CRIM1: variants seen among roughly 807,000 people sequenced by gnomAD.
The protein encoded by CRIM1 is cysteine-rich motor neuron 1 protein.
Under a neutral mutation model 116.4 loss-of-function variants are expected in CRIM1, and 32 were observed. That is an observed-to-expected ratio of 0.27 (90% confidence interval 0.21 to 0.37). The LOEUF is 0.37. CRIM1 is among the 10% of genes least tolerant of loss of function. The pLI, the probability that CRIM1 is intolerant of heterozygous loss-of-function variation, is 1.00. For synonymous variants in CRIM1, 590 were observed against 509.2 expected, an observed-to-expected ratio of 1.16 and a Z score of -2.13; for missense variants, 1,331 against 1,354.8, an observed-to-expected ratio of 0.98 and a Z score of 0.28.
Position 36,550,492 on chromosome 2 carries a change from G to A in CRIM1, c.*1791G>A, listed in dbSNP as rs930770202. 6.6e-6 allele frequency: 1 copy of A among 152,366 alleles called. No homozygotes were observed. The highest frequency in any genetic ancestry group is 1.5e-5 in the Non-Finnish European group (1 of 67,986). The allele number at this position is 152,366 out of a possible 1,614,324, so 9.4% of individuals were successfully genotyped here. A position where few individuals can be genotyped will look rare whatever the true frequency, so the allele number is the denominator to read the frequency against. ...AGAAAATGTGTTCTGTTTTGTAAAG[G>A]AACTTTCAAGTATTGTTGTAAATAC... is the stretch of plus-strand genomic sequence containing the variant. On this transcript the variant is annotated 3_prime_UTR_variant, in exon 17 of 17. Transcript: ENST00000280527.
intron 1 of CRIM1, among the ~76,000 whole-genome samples, 194 bp from the exon 2 acceptor site, chr2:36,396,420 A>G (rs919842809): frequency 6.6e-6 from 1 of 152,134 alleles, no homozygotes. Context: ...ATGGATGGCT[A>G]TTATTTCACT....
chr2:36,528,647 C>A (rs1278532207), intron 13 of CRIM1, among the ~76,000 whole-genome samples: 3 of 152,112 alleles, frequency 2.0e-5, no homozygotes, highest in Admixed American at 6.5e-5. Flanking sequence ...CTGTCAGTTA[C>A]TGTGGACCTA....
intron 1 of CRIM1, among the ~76,000 whole-genome samples, chr2:36,374,906 C>CT (rs1558511111): frequency 1.3e-5 from 2 of 151,038 alleles, no homozygotes; most frequent in Admixed American, 6.6e-5. Context: ...TGTATTGACT[C>CT]TAAGAGTATG....
chr2:36,494,504 T>C (rs1680448271), intron 7 of CRIM1, among the ~76,000 whole-genome samples: 1 of 152,148 alleles, frequency 6.6e-6, no homozygotes, highest in Admixed American at 6.5e-5. Flanking sequence ...TTCTAAGACT[T>C]GGGATAAGAA....
intron 2 of CRIM1, among the ~76,000 whole-genome samples, chr2:36,428,002 G>T (rs1674594127): frequency 6.6e-6 from 1 of 152,198 alleles, no homozygotes; most frequent in Non-Finnish European, 1.5e-5. Flanking sequence ...GGTTATTTTT[G>T]TGTTGGTTTG....
chr2:36,429,593 A>G (rs912852770), intron 2 of CRIM1, among the ~76,000 whole-genome samples: 1 of 152,190 alleles, frequency 6.6e-6, no homozygotes, highest in Non-Finnish European at 1.5e-5. Flanking sequence ...CAGCACACAG[A>G]AAGAGAGAAA....
chr2:36,447,848 C>T (rs1676368869), intron 4 of CRIM1, among the ~76,000 whole-genome samples: 2 of 152,166 alleles, frequency 1.3e-5, no homozygotes, highest in Non-Finnish European at 2.9e-5. Flanking sequence ...GTTTCAGAAA[C>T]GTGATTCTTT....
At chr2:36,362,905 C>G (rs1369170958) in intron 1 of CRIM1, among the ~76,000 whole-genome samples, 1 of 152,028 alleles carries the variant, frequency 6.6e-6, no homozygotes, top group African/African-American at 2.4e-5. Flanking sequence ...GTGTAATGTT[C>G]AAGAACTTGG....
At position 36,494,378 on chromosome 2, in the gene CRIM1, C is replaced by T. The variant is rs1032159688; in HGVS notation, c.1373-4841C>T. Among the ~76,000 whole-genome samples, 6 of 152,024 alleles carry T rather than the reference C, an allele frequency of 3.9e-5. 1 individual carries two copies. In the South Asian group the frequency reaches 1.2e-3, roughly 32 times the overall value. On this transcript the variant is annotated intron_variant, in intron 7 of 16. Transcript: ENST00000280527. The stretch of plus-strand genomic sequence containing the variant: ...TTTTACTGACAAGACATCTGTTAGG[C>T]TTTTTAGGTTATGAAAGAAGTAACC...
chr2:36,475,502 T>C (rs1678900947), intron 5 of CRIM1, among the ~76,000 whole-genome samples: 1 of 152,246 alleles, frequency 6.6e-6, no homozygotes, highest in South Asian at 2.1e-4. Flanking sequence ...ACTGTTTACA[T>C]ACAAGATCAT....
intron 2 of CRIM1, among the ~76,000 whole-genome samples, chr2:36,426,450 G>A (rs989399416): frequency 5.3e-5 from 8 of 152,150 alleles, no homozygotes; most frequent in African/African-American, 1.9e-4. Context: ...CAAACATTGT[G>A]TATGTTTTTT....
intron 7 of CRIM1, among the ~76,000 whole-genome samples, chr2:36,492,735 G>A (rs1288347534): frequency 6.6e-6 from 1 of 152,156 alleles, no homozygotes; most frequent in Non-Finnish European, 1.5e-5. Flanking sequence ...CCCTGGCTAG[G>A]AGACCTGATA....
intron 4 of CRIM1, among the ~76,000 whole-genome samples, chr2:36,460,948 G>A (rs1168045981): frequency 1.3e-5 from 2 of 152,178 alleles, no homozygotes; most frequent in Admixed American, 6.5e-5. Context: ...ATTAGGGCAG[G>A]CAGTGCAGAG....
intron 2 of CRIM1, among the ~76,000 whole-genome samples, chr2:36,414,045 T>C (rs1365597712): frequency 6.6e-6 from 1 of 152,248 alleles, no homozygotes; most frequent in Non-Finnish European, 1.5e-5. Context: ...GTGTATGAGC[T>C]TCTCCTGAGA....
In CRIM1 at chr2:36,540,931, A is replaced by C. The variant is rs575928594; in HGVS notation, c.2623+3385A>C. 1.6e-4 allele frequency among the ~76,000 whole-genome samples: 24 copies of C among 152,326 alleles called. 1 individual carries two copies. The highest frequency in any genetic ancestry group is 4.3e-4 in the African/African-American group (18 of 41,578). Reference sequence around the variant, plus strand: ...TGCTAACATCCTTGTTCATCATTAGAGATTTCTCCAGTGACTTCTCAGTTA... The same window carrying C: ...TGCTAACATCCTTGTTCATCATTAGCGATTTCTCCAGTGACTTCTCAGTTA... On this transcript the variant is annotated intron_variant, in intron 14 of 16. Transcript: ENST00000280527.
At chr2:36,424,222 G>A (rs1399866986) in intron 2 of CRIM1, among the ~76,000 whole-genome samples, 1 of 152,192 alleles carries the variant, frequency 6.6e-6, no homozygotes, top group Non-Finnish European at 1.5e-5. Flanking sequence ...TGTGCATAAA[G>A]TCTACGAAAA....
At chr2:36,511,782 G>T (rs1276265406) in intron 9 of CRIM1, among the ~76,000 whole-genome samples, 1 of 151,634 alleles carries the variant, frequency 6.6e-6, no homozygotes, top group Non-Finnish European at 1.5e-5. Flanking sequence ...GGCAGCAGTT[G>T]GTGCCCCTTT....
rs200973218 is a variant in CRIM1 at position 36,449,796 on chromosome 2, CGCCTAGGGATAAGAAA to C, written c.869+7062_869+7077del. ...AAAATAATGGGAGAGATATATGGCT[CGCCTAGGGATAAGAAA>C]AGGAGAAAGTCCAGGGGAAGTTATA... On this transcript the variant is annotated intron_variant, in intron 4 of 16. Coordinates refer to ENST00000280527, the MANE Select transcript of CRIM1 (RefSeq NM_016441.3). Among the ~76,000 whole-genome samples the C allele has an allele frequency of 8.4e-4, 128 of 151,690 alleles. 5 individuals are homozygous for C. In the East Asian group the frequency reaches 0.019, roughly 23 times the overall value.
chr2:36,515,993 A>G (rs565631265), intron 11 of CRIM1, among the ~76,000 whole-genome samples: 1 of 152,290 alleles, frequency 6.6e-6, no homozygotes, highest in East Asian at 1.9e-4. Context: ...TTGTTCTTAT[A>G]CTGGAAAGTT....
Sources: gnomAD v4.1 joint callset for allele counts (sites outside exome capture counted in the v4.1 genomes callset) on GRCh38, gnomAD v4.1.1 for gene constraint, MANE v1.5 for transcripts, NCBI Gene and HGNC (gene_info 2026-07-23, HGNC 2026-07-21) for gene names.